BEND7: variants seen among roughly 807,000 people sequenced by gnomAD.
The protein encoded by BEND7 is BEN domain containing 7, also known as BEN domain-containing protein 7.
In BEND7, 28 loss-of-function variants were observed where a neutral mutation model predicts 50.9. The ratio of observed to expected loss-of-function variants is 0.55; its 90% CI spans 0.41 to 0.75. BEND7 has a LOEUF of 0.75. Ranked by LOEUF, BEND7 falls within the 30% of genes least tolerant of loss-of-function variation. BEND7 has a pLI of 0.00. For missense variants in BEND7, 477 were observed against 491.3 expected, an observed-to-expected ratio of 0.97 and a Z score of 0.28; for synonymous variants, 170 against 183.9, an observed-to-expected ratio of 0.92 and a Z score of 0.61.
chr10:13,528,675 G>T lies in BEND7; in HGVS notation c.-142C>A. On this transcript the variant is annotated 5_prime_UTR_variant, in exon 1 of 9. Transcript: ENST00000466271. Reference sequence around the variant, plus strand: ...AAGGTCCGCGCCTGGAGTCGGCGAGGGGAGGCCGCGGGACGGGAGGAACCA... The same window carrying T: ...AAGGTCCGCGCCTGGAGTCGGCGAGTGGAGGCCGCGGGACGGGAGGAACCA... 1 of 241,346 alleles carries T rather than the reference G, an allele frequency of 4.1e-6. No homozygotes were observed. The highest frequency in any genetic ancestry group is 6.6e-6 in the Non-Finnish European group (1 of 151,252). 15.0% of individuals were successfully genotyped at this position (241,346 alleles called of 1,614,324 possible). A position where few individuals can be genotyped will look rare whatever the true frequency, so the allele number is the denominator to read the frequency against.
At chr10:13,459,772 CTG>C (rs1179222086) in intron 6 of BEND7, 1 of 152,254 alleles carries the variant, frequency 6.6e-6, no homozygotes, top group Non-Finnish European at 1.5e-5. Context: ...GATTCTCTTT[CTG>C]TATCTGGAAC....
Position 13,499,984 on chromosome 10 carries a change from C to T in BEND7, c.242G>A (p.Gly81Glu), listed in dbSNP as rs2077322743. Reference sequence around the variant, plus strand: ...CTGGGGCTCTTCTTTTAGTTTCTCTCCTTCTTTGCCAACTCGCTGATAGAT... The same window carrying T: ...CTGGGGCTCTTCTTTTAGTTTCTCTTCTTCTTTGCCAACTCGCTGATAGAT... ...GRIYQRVGKE[G>E]EKLKEEPQDL... The change falls in exon 3 of 9, where the codon GGA (glycine) becomes GAA (glutamate). Residue 81 changes from glycine (G) to glutamate (E), a missense_variant. Gly to Glu is a moderately conservative substitution (Grantham distance 98). Transcript: ENST00000466271. 1 of 1,614,208 alleles carries T rather than the reference C, an allele frequency of 6.2e-7. No individual in the cohort carries two copies. Among genetic ancestry groups the T allele is most frequent in the East Asian group, 2.2e-5 (1 of 44,886 alleles).
chr10:13,527,244 G>C (rs1016266891), intron 1 of BEND7, among the ~76,000 whole-genome samples: 3 of 152,138 alleles, frequency 2.0e-5, no homozygotes, highest in Admixed American at 2.0e-4. Context: ...AATTTACTCA[G>C]AAAGTGGGAA....
At chr10:13,481,993 T>C (rs1284880258) in intron 5 of BEND7, among the ~76,000 whole-genome samples, 1 of 152,240 alleles carries the variant, frequency 6.6e-6, no homozygotes, top group Non-Finnish European at 1.5e-5. Flanking sequence ...TACCCTTTCC[T>C]TTACAAAGCC....
At chr10:13,510,883 C>A (rs983165111) in intron 2 of BEND7, among the ~76,000 whole-genome samples, 187 of 150,786 alleles carry the variant, frequency 1.2e-3, no homozygotes, top group Admixed American at 2.0e-3. Flanking sequence ...AAAAAAAAAA[C>A]AAACTAGTCA....
intron 6 of BEND7, among the ~76,000 whole-genome samples, chr10:13,475,978 G>T (rs10906385): frequency 1.2e-4 from 19 of 152,056 alleles, no homozygotes; most frequent in African/African-American, 4.6e-4. Flanking sequence ...TTTCAACCTT[G>T]TTCTTATAAA....
At chr10:13,502,980 T>A in intron 2 of BEND7, 1 of 967,694 alleles carries the variant, frequency 1.0e-6, no homozygotes, top group South Asian at 4.8e-5. Flanking sequence ...CTAGGATAGA[T>A]ACAGTGCTAC....
chr10:13,506,245 C>T (rs899455582), intron 2 of BEND7, among the ~76,000 whole-genome samples: 5 of 152,170 alleles, frequency 3.3e-5, no homozygotes, highest in African/African-American at 9.7e-5. Context: ...GAGCTAGACC[C>T]GCCTCTTCCC....
chr10:13,527,142 A>G (rs1297034385), intron 1 of BEND7, among the ~76,000 whole-genome samples: 1 of 152,246 alleles, frequency 6.6e-6, no homozygotes, highest in Non-Finnish European at 1.5e-5. Flanking sequence ...TACATTCCTG[A>G]ATGAATCAGA....
chr10:13,457,984 C>T (rs764358295), intron 6 of BEND7, among the ~76,000 whole-genome samples: 5 of 152,184 alleles, frequency 3.3e-5, no homozygotes, highest in South Asian at 2.1e-4. Context: ...TACTTTTAAA[C>T]GAGCCCAGAT....
downstream of BEND7, among the ~76,000 whole-genome samples, chr10:13,440,073 C>T (rs11258385): frequency 0.31 from 47,774 of 152,004 alleles, 8,931 homozygotes; most frequent in East Asian, 0.67. Flanking sequence ...GGGGGTTTGG[C>T]GGCTGGAGGA....
intron 3 of BEND7, among the ~76,000 whole-genome samples, chr10:13,498,764 C>G (rs1408837111): frequency 6.6e-6 from 1 of 152,124 alleles, no homozygotes; most frequent in Non-Finnish European, 1.5e-5. Context: ...AGAGCTGTGT[C>G]CCTCTAACCT....
chr10:13,446,984 C>T (rs1360229022), intron 8 of BEND7: 2 of 438,748 alleles, frequency 4.6e-6, no homozygotes, highest in Non-Finnish European at 8.1e-6. Context: ...TTGTAATGTC[C>T]AAAGGTTTGG....
At chr10:13,479,298 C>A (rs1342076039) in intron 6 of BEND7, among the ~76,000 whole-genome samples, 1 of 152,018 alleles carries the variant, frequency 6.6e-6, no homozygotes, top group African/African-American at 2.4e-5. Context: ...TTTGAGCCAC[C>A]GCGCCTGGCC....
chr10:13,487,326 C>A (rs1442918486), intron 5 of BEND7, among the ~76,000 whole-genome samples: 3 of 151,982 alleles, frequency 2.0e-5, no homozygotes, highest in African/African-American at 7.3e-5. Flanking sequence ...TGAACTCCTG[C>A]AGCCTGTGCT....
Position 13,492,832 on chromosome 10 carries a change from A to G in BEND7, c.616T>C (p.Ser206Pro). ...TTTCGTGAGACAGCAGTTCGCTGGGAGCATATAAGGGAAATTGGAGGTTGT... is the reference window on the plus strand; with the variant it reads ...TTTCGTGAGACAGCAGTTCGCTGGGGGCATATAAGGGAAATTGGAGGTTGT... ...RQQPPISLIC[S>P]QRTAVSRKRN... The change falls in exon 5 of 9, where the codon TCC (serine) becomes CCC (proline). Residue 206 changes from serine (S) to proline (P), a missense_variant. This residue lies in a region of BEND7 where 396 missense variants were observed against 384.2 expected (regional missense o/e 1.03). Coordinates refer to ENST00000466271, the MANE Select transcript of BEND7 (RefSeq NM_001369863.1). 1 of 1,605,616 alleles carries G rather than the reference A, an allele frequency of 6.2e-7. No homozygotes were observed. The highest frequency in any genetic ancestry group is 8.5e-7 in the Non-Finnish European group (1 of 1,178,228).
intron 2 of BEND7, among the ~76,000 whole-genome samples, chr10:13,521,726 G>A (rs1373067537): frequency 6.6e-6 from 1 of 152,202 alleles, no homozygotes; most frequent in Admixed American, 6.5e-5. Context: ...CCTCTTGGAA[G>A]TGGGGCTCAG....
At chr10:13,492,116 A>G (rs1333514506) in intron 5 of BEND7, among the ~76,000 whole-genome samples, 2 of 152,100 alleles carry the variant, frequency 1.3e-5, no homozygotes, top group Non-Finnish European at 2.9e-5. Flanking sequence ...TTAACCTATC[A>G]TTACACGGAG....
At chr10:13,445,480 C>T (rs902158874) in intron 8 of BEND7, 1 of 152,150 alleles carries the variant, frequency 6.6e-6, no homozygotes, top group Non-Finnish European at 1.5e-5. Context: ...AGTCGAGGGA[C>T]CTGGGTTCCG....
Sources: allele counts gnomAD v4.1 joint callset (sites outside exome capture counted in the v4.1 genomes callset), GRCh38; gene constraint gnomAD v4.1.1; regional missense constraint gnomAD v4.1.1; transcripts MANE v1.5; gene names NCBI Gene and HGNC (gene_info 2026-07-23, HGNC 2026-07-21).